Variants in FN1 observed in about 807,000 individuals in gnomAD.
FN1 encodes fibronectin 1.
FN1 carries 106 observed loss-of-function variants against 297.3 expected under a neutral mutation model. That is an observed-to-expected ratio of 0.36 (90% CI 0.30 to 0.42). FN1 has a LOEUF of 0.42. FN1 is among the 10% of genes least tolerant of loss of function. FN1 has a pLI of 1.00. For synonymous variants in FN1, 1,149 were observed against 1,152.6 expected (o/e 1.00, Z 0.06); for missense variants, 2,690 against 3,124.9 (o/e 0.86, Z 3.32).
At chr2:215,368,751 T>C (rs1327227109) in intron 41 of FN1, among the ~76,000 whole-genome samples, 1 of 152,122 alleles carries the variant, frequency 6.6e-6, no homozygotes, top group African/African-American at 2.4e-5. Flanking sequence ...AATAAGAAAA[T>C]GCCCTTGGAA....
At chr2:215,427,875 C>T (rs968352044) in intron 6 of FN1, among the ~76,000 whole-genome samples, 2 of 151,948 alleles carry the variant, frequency 1.3e-5, no homozygotes, top group South Asian at 2.1e-4. Flanking sequence ...TGCGTGTGTG[C>T]GTGATCTATC....
chr2:215,393,075 T>C lies in FN1; in HGVS notation c.3925A>G (p.Ile1309Val), dbSNP rs1403996597. The C allele has an allele frequency of 6.2e-7, 1 of 1,614,052 alleles. No homozygotes were observed. Among genetic ancestry groups the C allele is most frequent in the Non-Finnish European group, 8.5e-7 (1 of 1,180,008 alleles). Residue 1309 changes from isoleucine (I) to valine (V), a missense_variant, in exon 25 of 46, where the codon ATC becomes GTC. Transcript: ENST00000354785. ...TCCACAAAATCTTCAAAAATAGGGA[T>C]ACCTTCTCCTGCCGCAACTACTGTG... Reference protein sequence around the residue: ...RITVVAAGEGIPIFEDFVDSS... With the variant: ...RITVVAAGEGVPIFEDFVDSS...
rs777199676 is a variant in FN1 at position 215,384,175 on chromosome 2, C to G, written c.4739G>C (p.Ser1580Thr). The change falls in exon 30 of 46, where the codon AGC (serine) becomes ACC (threonine). Residue 1580 changes from serine to threonine, a missense_variant. Physicochemically the swap from Ser to Thr is moderately conservative, Grantham distance 58 (BLOSUM62 1). Transcript: ENST00000354785. ...AGGCACAGTGAACTCCTGGACAGGG[C>G]TATTTCCTCCTGTATGAAAAAGGGT... ...RITYGETGGN[S>T]PVQEFTVPGS... The G allele has an allele frequency of 1.9e-6, 3 of 1,613,988 alleles. No individual in the cohort carries two copies. In the African/African-American group the frequency reaches 4.0e-5, roughly 22 times the overall value.
At chr2:215,426,217 C>T (rs1359910092) in intron 6 of FN1, among the ~76,000 whole-genome samples, 2 of 144,440 alleles carry the variant, frequency 1.4e-5, no homozygotes, top group Non-Finnish European at 3.0e-5. Flanking sequence ...GGCGCAATCT[C>T]GGCTCACTGC....
chr2:215,408,613 G>C (rs1011009306), intron 15 of FN1, among the ~76,000 whole-genome samples, 187 bp from the exon 16 acceptor site: 4 of 152,142 alleles, frequency 2.6e-5, no homozygotes, highest in South Asian at 2.1e-4. Flanking sequence ...TGTTGCCCAG[G>C]CTGGAGTGCA....
chr2:215,375,482 T>G, intron 37 of FN1, 89 bp from the exon 38 acceptor site: 1 of 1,359,278 alleles, frequency 7.4e-7, no homozygotes, highest in South Asian at 1.2e-5. Flanking sequence ...CTAAACACAC[T>G]TAAAAGAATC....
intron 5 of FN1, 38 bp downstream of exon 5, chr2:215,430,677 A>C (rs1294079823): frequency 6.2e-7 from 1 of 1,609,630 alleles, no homozygotes; most frequent in African/African-American, 1.3e-5. Flanking sequence ...AGAAAACAAT[A>C]CCTGGCTTAA....
chr2:215,390,532 AG>A (rs1168807248), intron 26 of FN1, among the ~76,000 whole-genome samples: 1 of 152,094 alleles, frequency 6.6e-6, no homozygotes. Flanking sequence ...TAGGAGGGAG[AG>A]GGGCTACCCT....
rs1419118495 is a variant in FN1 at position 215,431,755 on chromosome 2, TA to T, written c.547+77del. 8 of 1,426,916 alleles carry T rather than the reference TA, an allele frequency of 5.6e-6. No homozygotes were observed. The Admixed American group carries it at 1.3e-4, about 24-fold the overall frequency. The allele number at this position is 1,426,916 out of a possible 1,614,324, so 88.4% of individuals were successfully genotyped here. On this transcript the variant is annotated intron_variant, in intron 4 of 45. Transcript: ENST00000354785. Reference sequence around the variant, plus strand: ...TTCACTGGAATTCAGGTCTATGACCTATGTAGATGTGATTCTGGTCCAACCC... The same window carrying T: ...TTCACTGGAATTCAGGTCTATGACCTTGTAGATGTGATTCTGGTCCAACCC...
At chr2:215,366,444 A>G (rs1205078577) in intron 42 of FN1, among the ~76,000 whole-genome samples, 1 of 152,196 alleles carries the variant, frequency 6.6e-6, no homozygotes, top group East Asian at 1.9e-4. Flanking sequence ...TGGGAAGAGT[A>G]AAAAATGAAC....
At chr2:215,405,865 A>G (rs1028226956) in intron 19 of FN1, among the ~76,000 whole-genome samples, 3 of 152,226 alleles carry the variant, frequency 2.0e-5, no homozygotes, top group Non-Finnish European at 4.4e-5. Flanking sequence ...GTAATACTAG[A>G]CACTTGACAA....
chr2:215,430,781 C>G lies in FN1; in HGVS notation c.619G>C (p.Gly207Arg). ...VGETWEKPYQ[G>R]WMMVDCTCLG... ...CAAGTACAATCTACCATCATCCAGC[C>G]TTGGTAGGGCTTCTCCCACGTTTCT... The change falls in exon 5 of 46, where the codon GGC becomes CGC. Residue 207 changes from glycine to arginine, a missense_variant. Physicochemically the swap from Gly to Arg is moderately radical, Grantham distance 125. Coordinates refer to ENST00000354785, the MANE Select transcript of FN1 (RefSeq NM_212482.4). 6.2e-7 allele frequency: 1 copy of G among 1,614,164 alleles called. No individual in the cohort carries two copies. Among genetic ancestry groups the G allele is most frequent in the South Asian group, 1.1e-5 (1 of 91,090 alleles).
chr2:215,382,409 CAT>C lies in FN1; in HGVS notation c.5051-86_5051-85del, dbSNP rs900200183. 8 of 821,842 alleles carry C rather than the reference CAT, an allele frequency of 9.7e-6. No homozygotes were observed. The African/African-American group carries it at 1.3e-4, about 14-fold the overall frequency. The allele number at this position is 821,842 out of a possible 1,614,324, so 50.9% of individuals were successfully genotyped here. A position where few individuals can be genotyped will look rare whatever the true frequency, so the allele number is the denominator to read the frequency against. Reference sequence around the variant, plus strand: ...GTGGCGTCTAGAGTTTGGTAGTAAACATATGGTGGCCTAGAATTTTTATTTGC... The same window carrying C: ...GTGGCGTCTAGAGTTTGGTAGTAAACATGGTGGCCTAGAATTTTTATTTGC... On this transcript the variant is annotated intron_variant, in intron 31 of 45. Coordinates refer to ENST00000354785, the MANE Select transcript of FN1 (RefSeq NM_212482.4).
chr2:215,400,621 G>A (rs563412678), intron 20 of FN1, among the ~76,000 whole-genome samples: 4 of 151,624 alleles, frequency 2.6e-5, no homozygotes, highest in African/African-American at 9.7e-5. Context: ...GTGTGATGGT[G>A]GATGCCTGTA....
At chr2:215,408,477 A>G in intron 15 of FN1, 51 bp from the exon 16 acceptor site, 1 of 1,570,034 alleles carries the variant, frequency 6.4e-7, no homozygotes, top group Non-Finnish European at 8.8e-7. Context: ...AGTCCCTCAA[A>G]TGACTCTACA....
intron 40 of FN1, among the ~76,000 whole-genome samples, chr2:215,371,035 C>T (rs957418312): frequency 1.8e-4 from 28 of 152,090 alleles, no homozygotes; most frequent in African/African-American, 5.3e-4. Context: ...TTTGGGAGGC[C>T]AAGGCGGGCG....
At chr2:215,407,854 C>T (rs2061972967) in intron 17 of FN1, among the ~76,000 whole-genome samples, 1 of 151,704 alleles carries the variant, frequency 6.6e-6, no homozygotes, top group Non-Finnish European at 1.5e-5. Flanking sequence ...AATGAGCTGG[C>T]TTTACAGGTT....
chr2:215,377,046 G>A (rs1260689831), intron 35 of FN1, among the ~76,000 whole-genome samples: 9 of 142,276 alleles, frequency 6.3e-5, no homozygotes, highest in African/African-American at 2.3e-4. Context: ...AATTTTGTGT[G>A]TGTGTGTGTG....
intron 29 of FN1, chr2:215,384,593 A>G (rs941162476): frequency 2.4e-6 from 1 of 418,696 alleles, no homozygotes; most frequent in Non-Finnish European, 4.3e-6. Flanking sequence ...TATTTCCACC[A>G]CTGATAATAT....
Sources: allele counts gnomAD v4.1 joint callset (sites outside exome capture counted in the v4.1 genomes callset), GRCh38; gene constraint gnomAD v4.1.1; transcripts MANE v1.5; gene names NCBI Gene and HGNC (gene_info 2026-07-23, HGNC 2026-07-21).